DOCK4: variants seen among roughly 807,000 people sequenced by gnomAD.
DOCK4 encodes the protein dedicator of cytokinesis 4, also known as dedicator of cytokinesis protein 4.
In DOCK4, 97 loss-of-function variants were observed where a neutral mutation model predicts 268.1. That is an observed-to-expected ratio of 0.36 (90% CI 0.31 to 0.43). The LOEUF is 0.43. Ranked by LOEUF, DOCK4 falls within the 20% of genes least tolerant of loss-of-function variation. The pLI, the probability that DOCK4 is intolerant of heterozygous loss-of-function variation, is 1.00. For synonymous variants in DOCK4, 954 were observed against 887.2 expected (o/e 1.08, Z -1.34); for missense variants, 2,145 against 2,455.7 (o/e 0.87, Z 2.67).
rs1794666476 is a variant in DOCK4, at chr7:111,726,634, C to T, written c.*1640G>A. The T allele has an allele frequency of 6.6e-6, 1 of 152,548 alleles. No homozygotes were observed. Among genetic ancestry groups the T allele is most frequent in the Non-Finnish European group, 1.5e-5 (1 of 68,016 alleles). 9.4% of individuals were successfully genotyped at this position (152,548 alleles called of 1,614,324 possible). A position where few individuals can be genotyped will look rare whatever the true frequency, so the allele number is the denominator to read the frequency against. On this transcript the variant is annotated 3_prime_UTR_variant, in exon 53 of 53. Coordinates refer to ENST00000428084, the MANE Select transcript of DOCK4 (RefSeq NM_001363540.2). Reference sequence around the variant, plus strand: ...AAATATTTAACATATATTAATTTTTCCGACATTCAAAATTGTAAAGTCAAT... The same window carrying T: ...AAATATTTAACATATATTAATTTTTTCGACATTCAAAATTGTAAAGTCAAT...
intron 1 of DOCK4, among the ~76,000 whole-genome samples, chr7:112,147,731 T>C (rs1815645542): frequency 6.6e-6 from 1 of 150,846 alleles, no homozygotes; most frequent in African/African-American, 2.4e-5. Flanking sequence ...ATTCAAGTAA[T>C]TGAAGACACG....
chr7:112,035,607 T>C (rs1803681752), intron 1 of DOCK4, among the ~76,000 whole-genome samples: 1 of 152,034 alleles, frequency 6.6e-6, no homozygotes, highest in African/African-American at 2.4e-5. Context: ...ATTAATGGCA[T>C]GGAGTAGAGA....
At chr7:112,040,837 T>C (rs1018477320) in intron 1 of DOCK4, among the ~76,000 whole-genome samples, 1 of 152,236 alleles carries the variant, frequency 6.6e-6, no homozygotes, top group African/African-American at 2.4e-5. Context: ...TGTAATTACA[T>C]TGTGCATTAA....
chr7:111,959,759 T>C (rs969604061), intron 8 of DOCK4, among the ~76,000 whole-genome samples: 6 of 152,198 alleles, frequency 3.9e-5, no homozygotes, highest in Non-Finnish European at 8.8e-5. Context: ...GCCTCACCCA[T>C]TGGAAGCTAT....
intron 25 of DOCK4, among the ~76,000 whole-genome samples, chr7:111,842,651 C>T (rs1240664657): frequency 1.3e-5 from 2 of 152,194 alleles, no homozygotes; most frequent in African/African-American, 4.8e-5. Flanking sequence ...GGCTTCCACC[C>T]ACAACTGGCA....
At chr7:112,046,004 A>G (rs1026063242) in intron 1 of DOCK4, among the ~76,000 whole-genome samples, 1 of 152,254 alleles carries the variant, frequency 6.6e-6, no homozygotes, top group African/African-American at 2.4e-5. Context: ...AAGTTTATAC[A>G]GTCATGGCAT....
rs1798875539 is a variant in DOCK4 at position 111,984,330 on chromosome 7, G to T, written c.525C>A (p.Ile175=). Residue 175 remains isoleucine, a synonymous_variant, in exon 7 of 53, where the codon ATC becomes ATA. Transcript: ENST00000428084. ...CCAATCGGTAGAGCTCAGTAATGCT[G>T]ATGTCTTCCGGATCCACCATTGCGT... ...KEYAMVDPED[I]SITELYRLME... 6.2e-7 allele frequency: 1 copy of T among 1,612,986 alleles called. No individual in the cohort carries two copies. The highest frequency in any genetic ancestry group is 1.3e-5 in the African/African-American group (1 of 74,904).
chr7:112,056,142 T>C (rs1586731159), intron 1 of DOCK4, among the ~76,000 whole-genome samples: 1 of 152,098 alleles, frequency 6.6e-6, no homozygotes, highest in Non-Finnish European at 1.5e-5. Context: ...TGAGACCAGG[T>C]AGACTTCAGC....
intron 1 of DOCK4, among the ~76,000 whole-genome samples, chr7:112,202,813 A>C (rs1287176169): frequency 6.6e-6 from 1 of 152,116 alleles, no homozygotes; most frequent in Admixed American, 6.5e-5. Context: ...TTATTTGTCA[A>C]GGAAAATACA....
At chr7:112,108,305 C>T (rs1811315525) in intron 1 of DOCK4, among the ~76,000 whole-genome samples, 1 of 152,080 alleles carries the variant, frequency 6.6e-6, no homozygotes, top group Non-Finnish European at 1.5e-5. Context: ...TGTTAGGTGT[C>T]AAACAAAACA....
At chr7:111,870,614 G>A (rs979782907) in intron 20 of DOCK4, among the ~76,000 whole-genome samples, 2 of 152,120 alleles carry the variant, frequency 1.3e-5, no homozygotes, top group Non-Finnish European at 2.9e-5. Context: ...GAGCCACTGT[G>A]CCCAGCCAGT....
At chr7:111,849,489 C>CT (rs897497055) in intron 23 of DOCK4, among the ~76,000 whole-genome samples, 1 of 152,158 alleles carries the variant, frequency 6.6e-6, no homozygotes, top group African/African-American at 2.4e-5. Context: ...TCTTGAACTC[C>CT]TGACCTCAGG....
intron 13 of DOCK4, among the ~76,000 whole-genome samples, chr7:111,904,932 T>C (rs992426500): frequency 6.6e-6 from 1 of 152,210 alleles, no homozygotes; most frequent in Non-Finnish European, 1.5e-5. Context: ...TAATTTTCCA[T>C]TCTTTAACTG....
intron 8 of DOCK4, chr7:111,953,732 G>C (rs1435839170): frequency 6.6e-6 from 1 of 152,228 alleles, no homozygotes; most frequent in Non-Finnish European, 1.5e-5. Context: ...GATCAAACAA[G>C]ATCAGGCACA....
At chr7:111,891,009 G>T (rs1001612872) in intron 16 of DOCK4, among the ~76,000 whole-genome samples, 3 of 151,960 alleles carry the variant, frequency 2.0e-5, no homozygotes, top group Non-Finnish European at 4.4e-5. Flanking sequence ...GAATGACACA[G>T]AACATGGTTT....
At chr7:111,946,425 G>T (rs922547722) in intron 8 of DOCK4, among the ~76,000 whole-genome samples, 1 of 152,122 alleles carries the variant, frequency 6.6e-6, no homozygotes, top group Non-Finnish European at 1.5e-5. Flanking sequence ...AAGGAGGCGA[G>T]GCTAGGCGTT....
intron 51 of DOCK4, among the ~76,000 whole-genome samples, chr7:111,734,771 GC>G (rs898312379): frequency 6.6e-6 from 1 of 152,166 alleles, no homozygotes; most frequent in African/African-American, 2.4e-5. Context: ...GATGCTAGTG[GC>G]CTACCAAGGT....
chr7:112,039,291 C>A lies in DOCK4; in HGVS notation c.38-35160G>T, dbSNP rs139657325. 2.2e-3 allele frequency among the ~76,000 whole-genome samples: 339 copies of A among 150,788 alleles called. 1 individual carries two copies. Among genetic ancestry groups the A allele is most frequent in the African/African-American group, 7.9e-3 (322 of 40,880 alleles). ...TTACCTACAGTGGAAGGAACCCTGCCACAATTCCTGCTGATAACATTGAAT... is the reference window on the plus strand; with the variant it reads ...TTACCTACAGTGGAAGGAACCCTGCAACAATTCCTGCTGATAACATTGAAT... On this transcript the variant is annotated intron_variant, in intron 1 of 52. Transcript: ENST00000428084.
At chr7:111,784,003 C>G in intron 33 of DOCK4, 51 bp from the exon 34 acceptor site, 1 of 1,568,808 alleles carries the variant, frequency 6.4e-7, no homozygotes, top group Non-Finnish European at 8.7e-7. Flanking sequence ...TTATCAGTCA[C>G]CATGACAACC....
Sources: gnomAD v4.1 joint callset for allele counts (sites outside exome capture counted in the v4.1 genomes callset) on GRCh38, gnomAD v4.1.1 for gene constraint, MANE v1.5 for transcripts, NCBI Gene and HGNC (gene_info 2026-07-23, HGNC 2026-07-21) for gene names.